BTBD9: variants seen among roughly 807,000 people sequenced by gnomAD.
The protein encoded by BTBD9 is BTB/POZ domain-containing protein 9.
BTBD9 carries 49 observed loss-of-function variants against 64.3 expected under a neutral mutation model. The observed-to-expected ratio is 0.76, with a 90% CI of 0.61 to 0.97. The LOEUF is 0.97. Ranked by LOEUF, BTBD9 falls within the 50% of genes least tolerant of loss-of-function variation. The pLI, the probability that BTBD9 is intolerant of heterozygous loss-of-function variation, is 0.00. For missense variants in BTBD9, 598 were observed against 762.1 expected (o/e 0.78, Z 2.53); for synonymous variants, 260 against 274.7 (o/e 0.95, Z 0.53).
intron 6 of BTBD9, among the ~76,000 whole-genome samples, chr6:38,413,028 G>A (rs2814896): frequency 0.44 from 66,598 of 151,980 alleles, 14,628 homozygotes; most frequent in Non-Finnish European, 0.46. Flanking sequence ...GCTACCAACC[G>A]CCTAACCCTT....
chr6:38,330,922 C>A (rs532067052), intron 7 of BTBD9, among the ~76,000 whole-genome samples: 118 of 152,164 alleles, frequency 7.8e-4, no homozygotes, highest in African/African-American at 2.7e-3. Flanking sequence ...CACACCCCAA[C>A]AATAACAAAA....
chr6:38,291,974 T>TTC (rs1761981370), intron 7 of BTBD9, among the ~76,000 whole-genome samples: 3 of 152,056 alleles, frequency 2.0e-5, no homozygotes, highest in South Asian at 4.1e-4. Flanking sequence ...TCTTTTTTTT[T>TTC]TTTTGAGACG....
chr6:38,615,396 A>C (rs1777748951), intron 1 of BTBD9, among the ~76,000 whole-genome samples: 1 of 152,166 alleles, frequency 6.6e-6, no homozygotes, highest in African/African-American at 2.4e-5. Context: ...ATGCTGAATA[A>C]AAATCATACT....
intron 6 of BTBD9, among the ~76,000 whole-genome samples, chr6:38,483,842 C>G (rs1419749618): frequency 6.6e-6 from 1 of 152,202 alleles, no homozygotes; most frequent in Non-Finnish European, 1.5e-5. Flanking sequence ...TCAGAAAGGC[C>G]TTCCCTGACC....
intron 7 of BTBD9, among the ~76,000 whole-genome samples, chr6:38,305,883 A>G (rs1762607308): frequency 6.6e-6 from 1 of 152,214 alleles, no homozygotes; most frequent in South Asian, 2.1e-4. Flanking sequence ...ATCAAATGTC[A>G]CCACTGGTTT....
At chr6:38,601,140 G>C (rs1243599526) in intron 1 of BTBD9, among the ~76,000 whole-genome samples, 16 of 152,146 alleles carry the variant, frequency 1.1e-4, no homozygotes, top group Admixed American at 1.0e-3. Flanking sequence ...TCACCATTCT[G>C]AAGTGATTCT....
At chr6:38,276,479 C>T (rs1310197264) in intron 8 of BTBD9, among the ~76,000 whole-genome samples, 3 of 151,372 alleles carry the variant, frequency 2.0e-5, no homozygotes, top group African/African-American at 7.3e-5. Flanking sequence ...GCACATGTAC[C>T]CTAAAACTTA....
intron 1 of BTBD9, among the ~76,000 whole-genome samples, chr6:38,620,418 T>C (rs1348459855): frequency 1.3e-5 from 2 of 152,162 alleles, no homozygotes; most frequent in Non-Finnish European, 2.9e-5. Context: ...ACGTCCCAAT[T>C]TACATGGACG....
intron 7 of BTBD9, among the ~76,000 whole-genome samples, chr6:38,324,271 T>C (rs1452012484): frequency 6.6e-6 from 1 of 152,214 alleles, no homozygotes; most frequent in Non-Finnish European, 1.5e-5. Flanking sequence ...AATAAATTTA[T>C]AGACCCATTT....
intron 8 of BTBD9, among the ~76,000 whole-genome samples, chr6:38,281,622 C>T (rs988129599): frequency 6.6e-6 from 1 of 152,112 alleles, no homozygotes; most frequent in African/African-American, 2.4e-5. Context: ...ATTATGAATA[C>T]CCATCAAGAA....
At chr6:38,403,134 G>T (rs1767014655) in intron 6 of BTBD9, among the ~76,000 whole-genome samples, 1 of 151,694 alleles carries the variant, frequency 6.6e-6, no homozygotes, top group Non-Finnish European at 1.5e-5. Flanking sequence ...GAAAAGAAGA[G>T]AAGAGAAGAA....
intron 7 of BTBD9, among the ~76,000 whole-genome samples, chr6:38,324,674 C>G (rs145994666): frequency 1.3e-5 from 2 of 152,044 alleles, no homozygotes; most frequent in Non-Finnish European, 2.9e-5. Context: ...GCAAAGGGTA[C>G]GTGGGAGGAA....
chr6:38,454,675 G>A (rs935717143), intron 6 of BTBD9, among the ~76,000 whole-genome samples: 1 of 151,570 alleles, frequency 6.6e-6, no homozygotes, highest in Non-Finnish European at 1.5e-5. Flanking sequence ...GTGTGTGCCT[G>A]TTGTCCTAGC....
chr6:38,211,681 T>C (rs1582057564), intron 9 of BTBD9, among the ~76,000 whole-genome samples: 1 of 151,834 alleles, frequency 6.6e-6, no homozygotes, highest in African/African-American at 2.4e-5. Context: ...GAGGTGGAGG[T>C]TGCAGTGAGC....
chr6:38,427,292 C>A (rs1465126940), intron 6 of BTBD9, among the ~76,000 whole-genome samples: 1 of 151,630 alleles, frequency 6.6e-6, no homozygotes, highest in Non-Finnish European at 1.5e-5. Flanking sequence ...GAGTTTGAGA[C>A]CAGCCTGGGC....
At chr6:38,376,211 A>G (rs1188480366) in intron 6 of BTBD9, among the ~76,000 whole-genome samples, 1 of 152,212 alleles carries the variant, frequency 6.6e-6, no homozygotes, top group East Asian at 1.9e-4. Context: ...GTGTGTGAAG[A>G]AAGGCTCACA....
At chr6:38,572,819 A>G in intron 6 of BTBD9, among the ~76,000 whole-genome samples, 1 of 151,656 alleles carries the variant, frequency 6.6e-6, no homozygotes, top group East Asian at 1.9e-4. Context: ...AAAGTTTAAC[A>G]TACTTTAATA....
intron 9 of BTBD9, among the ~76,000 whole-genome samples, chr6:38,214,214 C>T (rs1762933441): frequency 6.6e-6 from 1 of 152,170 alleles, no homozygotes; most frequent in African/African-American, 2.4e-5. Flanking sequence ...CTCTCTGGCC[C>T]CTCCCTCAGA....
chr6:38,628,861 T>C (rs1778266139), intron 1 of BTBD9, among the ~76,000 whole-genome samples: 1 of 152,108 alleles, frequency 6.6e-6, no homozygotes, highest in South Asian at 2.1e-4. Context: ...CTACCAAGTG[T>C]TCCTTGGAGA....
Sources: allele counts gnomAD v4.1 joint callset (sites outside exome capture counted in the v4.1 genomes callset), GRCh38; gene constraint gnomAD v4.1.1; transcripts MANE v1.5; gene names NCBI Gene and HGNC (gene_info 2026-07-23, HGNC 2026-07-21).